Variants in CRB2 observed in about 807,000 individuals in gnomAD.
The protein encoded by CRB2 is crumbs cell polarity complex component 2, also known as protein crumbs homolog 2.
In CRB2, 85 loss-of-function variants were observed where a neutral mutation model predicts 110.9. The ratio of observed to expected loss-of-function variants is 0.77; its 90% CI spans 0.64 to 0.92. The LOEUF (loss-of-function observed/expected upper bound fraction) is 0.92. Among genes scored for constraint, CRB2 ranks in the 40% least tolerant of loss-of-function variants. The pLI is 0.00. For missense variants in CRB2, 1,843 were observed against 1,851.3 expected, an observed-to-expected ratio of 1.00 and a Z score of 0.08; for synonymous variants, 907 against 831.0, an observed-to-expected ratio of 1.09 and a Z score of -1.57.
chr9:123,359,441 G>GTTTTTTTTTTTTTTTTTTTTTTTTT (rs375773781), intron 1 of CRB2, among the ~76,000 whole-genome samples: 5 of 94,424 alleles, frequency 5.3e-5, no homozygotes, highest in Admixed American at 1.1e-4. Context: ...TTTTTGTTTT[G>GTTTTTTTTTTTTTTTTTTTTTTTTT]TTTTTTTTTT....
downstream of CRB2, among the ~76,000 whole-genome samples, chr9:123,378,984 T>G (rs1391312417): frequency 6.6e-6 from 1 of 151,722 alleles, no homozygotes; most frequent in East Asian, 1.9e-4. Flanking sequence ...AGACGGGGCT[T>G]CACCATCTTG....
upstream of CRB2, among the ~76,000 whole-genome samples, chr9:123,355,165 G>T (rs1450817361): frequency 6.6e-6 from 1 of 152,216 alleles, no homozygotes; most frequent in East Asian, 1.9e-4. Context: ...GTTGTTCTAT[G>T]TTGTAGTGTC....
At chr9:123,375,490 C>CCACACCCCCCA in intron 12 of CRB2, 147 bp downstream of exon 12, 1 of 879,298 alleles carries the variant, frequency 1.1e-6, no homozygotes, top group Non-Finnish European at 1.6e-6. Context: ...CAGGTCCCTT[C>CCACACCCCCCA]CACACCCCCC....
At position 123,371,511 on chromosome 9, in the gene CRB2, C is replaced by G. The variant is rs2042015849; in HGVS notation, c.2369C>G (p.Pro790Arg). ...CTGCCACTGGATAACTCAAGCCAGCCCAGCGAGCTCGGCGGCAGGCAGTCC... is the reference window on the plus strand; with the variant it reads ...CTGCCACTGGATAACTCAAGCCAGCGCAGCGAGCTCGGCGGCAGGCAGTCC... The part of the protein sequence containing the change: ...FPLPLDNSSQ[P>R]SELGGRQSWN... The change falls in exon 8 of 13, where the codon CCC becomes CGC. Residue 790 changes from proline to arginine, a missense_variant. By Grantham distance (103) the Pro-to-Arg change is moderately radical. Coordinates refer to ENST00000373631, the MANE Select transcript of CRB2 (RefSeq NM_173689.7). 6.2e-7 allele frequency: 1 copy of G among 1,613,098 alleles called. No individual in the cohort carries two copies.
In CRB2 at chr9:123,370,669, G is replaced by T; in HGVS notation, c.1616G>T (p.Gly539Val). 6.2e-7 allele frequency: 1 copy of T among 1,607,002 alleles called. No homozygotes were observed. ...ATLELRLWHE[G>V]CPARLCVASG... The stretch of plus-strand genomic sequence containing the variant: ...CTGGAGCTACGGCTCTGGCATGAGG[G>T]CTGCCCTGCCCGGCTCTGTGTGGCC... The change falls in exon 7 of 13, where the codon GGC (glycine) becomes GTC (valine). Residue 539 changes from glycine (G) to valine (V), a missense_variant. Physicochemically the swap from Gly to Val is moderately radical, Grantham distance 109. Coordinates refer to ENST00000373631, the MANE Select transcript of CRB2 (RefSeq NM_173689.7).
At chr9:123,380,013 C>T (rs1258246211), downstream of CRB2, 1 of 152,256 alleles carries the variant, frequency 6.6e-6, no homozygotes, top group Non-Finnish European at 1.5e-5. Context: ...AGCCATGTGC[C>T]AGGATGGCCG....
Position 123,373,570 on chromosome 9 carries a change from C to T in CRB2, c.3039C>T (p.Cys1013=). 6.8e-7 allele frequency: 1 copy of T among 1,464,350 alleles called. No individual in the cohort carries two copies. The highest frequency in any genetic ancestry group is 1.5e-5 in the African/African-American group (1 of 68,756). 90.7% of individuals were successfully genotyped at this position (1,464,350 alleles called of 1,614,324 possible). Residue 1013 remains cysteine, a synonymous_variant, in exon 10 of 13, where the codon TGC becomes TGT. Transcript: ENST00000373631. ...TGCTGGCTGAGAACTTCACCGGCTG[C>T]TTGGGCCGCGTGGCGCTGGGCGGCC... ...RILLAENFTG[C]LGRVALGGLP...
chr9:123,366,399 G>T, intron 4 of CRB2, 33 bp downstream of exon 4: 5 of 1,526,100 alleles, frequency 3.3e-6, no homozygotes, highest in South Asian at 1.2e-5. Context: ...CCTGGCGGGG[G>T]GAGGGGTAGG....
In CRB2 at chr9:123,361,132, C is replaced by CGGG. The variant is rs201939429; in HGVS notation, c.95-1731_95-1729dup. 7.0e-3 allele frequency among the ~76,000 whole-genome samples: 456 copies of CGGG among 65,184 alleles called. 10 individuals are homozygous for CGGG. The highest frequency in any genetic ancestry group is 0.014 in the Middle Eastern group (2 of 138). 42.8% of individuals were successfully genotyped at this position (65,184 alleles called of 152,430 possible). A position where few individuals can be genotyped will look rare whatever the true frequency, so the allele number is the denominator to read the frequency against. On this transcript the variant is annotated intron_variant, in intron 1 of 12. Transcript: ENST00000373631. ...GGGGCAAAGCTTCAGATTGGATGGGCGGGGAGGGGGGGGGGTTCCTTGCAC... is the reference window on the plus strand; with the variant it reads ...GGGGCAAAGCTTCAGATTGGATGGGCGGGGGGGAGGGGGGGGGGTTCCTTGCAC...
At chr9:123,372,387 C>T (rs199978167) in intron 9 of CRB2, 45 bp downstream of exon 9, 1 of 1,550,730 alleles carries the variant, frequency 6.4e-7, no homozygotes, top group African/African-American at 1.4e-5. Context: ...TGCTGGACAC[C>T]TAAGCTGGTT....
chr9:123,379,064 T>C (rs2042158430), downstream of CRB2, among the ~76,000 whole-genome samples: 1 of 151,654 alleles, frequency 6.6e-6, no homozygotes, highest in South Asian at 2.1e-4. Context: ...ATGTTGGGAT[T>C]ATAGGTGTGG....
At chr9:123,376,146 G>A (rs2042100568) in intron 12 of CRB2, among the ~76,000 whole-genome samples, 1 of 152,298 alleles carries the variant, frequency 6.6e-6, no homozygotes, top group Middle Eastern at 3.4e-3. Context: ...GGTGGAGGCT[G>A]GCAGGACCCT....
intron 1 of CRB2, among the ~76,000 whole-genome samples, chr9:123,359,706 T>G (rs1025742732): frequency 2.6e-5 from 4 of 152,142 alleles, no homozygotes; most frequent in Admixed American, 1.3e-4. Context: ...CACCTCAGCT[T>G]CCCAAAGTGC....
chr9:123,371,449 C>T lies in CRB2; in HGVS notation c.2307C>T (p.Asp769=). The T allele has an allele frequency of 6.2e-7, 1 of 1,613,050 alleles. No individual in the cohort carries two copies. The highest frequency in any genetic ancestry group is 8.5e-7 in the Non-Finnish European group (1 of 1,180,008). ...GGCCCTTCCGAGGCTGCCTCCAGGA[C>T]CTGCGACTCGATGGCTGCCACCTCC... ...WGGPFRGCLQ[D]LRLDGCHLPF... Residue 769 remains aspartate, a synonymous_variant, in exon 8 of 13, where the codon GAC becomes GAT. Coordinates refer to ENST00000373631, the MANE Select transcript of CRB2 (RefSeq NM_173689.7).
At chr9:123,368,882 G>A (rs10760282) in intron 6 of CRB2, 478,806 of 1,269,608 alleles carry the variant, frequency 0.38, 94,581 homozygotes, top group Non-Finnish European at 0.41. Context: ...CAACCTGTCT[G>A]GAGGGCATGG....
rs1286496637 is a variant in CRB2, at chr9:123,360,273, G to GGTCGAAGGGGAGGGGCGGGC, written c.95-2587_95-2568dup. ...TGCCCCTCCCCAGGACAGGGCAGCAGGTCGAAGGGGAGGGGCGGGCGTCGG... is the reference window on the plus strand; with the variant it reads ...TGCCCCTCCCCAGGACAGGGCAGCAGGTCGAAGGGGAGGGGCGGGCGTCGAAGGGGAGGGGCGGGCGTCGG... On this transcript the variant is annotated intron_variant, in intron 1 of 12. Transcript: ENST00000373631. Among the ~76,000 whole-genome samples the GGTCGAAGGGGAGGGGCGGGC allele has an allele frequency of 5.9e-5, 9 of 152,282 alleles. 1 individual carries two copies. The highest frequency in any genetic ancestry group is 3.3e-4 in the Admixed American group (5 of 15,312).
rs1447453412 is a variant in CRB2, at chr9:123,377,991, C to T, written c.*929C>T. 3 of 152,376 alleles carry T rather than the reference C, an allele frequency of 2.0e-5. No homozygotes were observed. Among genetic ancestry groups the T allele is most frequent in the Non-Finnish European group, 2.9e-5 (2 of 68,140 alleles). 9.4% of individuals were successfully genotyped at this position (152,376 alleles called of 1,614,324 possible). A position where few individuals can be genotyped will look rare whatever the true frequency, so the allele number is the denominator to read the frequency against. ...GGGTGTCCTTCTGGGATGAGGATGA[C>T]AGAGCAACCCTTCTCCTGCCCTGAA... On this transcript the variant is annotated 3_prime_UTR_variant, in exon 13 of 13. Transcript: ENST00000373631.
intron 2 of CRB2, among the ~76,000 whole-genome samples, chr9:123,364,880 C>T (rs1052952329): frequency 6.6e-6 from 1 of 152,188 alleles, no homozygotes; most frequent in East Asian, 1.9e-4. Context: ...AAAACCAGGA[C>T]AGTGCAGGGA....
Position 123,362,935 on chromosome 9 carries a change from T to C in CRB2, c.165T>C (p.Ala55=), listed in dbSNP as rs1449100194. 5 of 1,604,502 alleles carry C rather than the reference T, an allele frequency of 3.1e-6. No individual in the cohort carries two copies. The highest frequency in any genetic ancestry group is 4.3e-6 in the Non-Finnish European group (5 of 1,172,680). Reference sequence around the variant, plus strand: ...GCGCTCCAGGGACCGAGTGCCAGGCTACCGAGAGTGGTGGCTATACCTGTG... The same window carrying C: ...GCGCTCCAGGGACCGAGTGCCAGGCCACCGAGAGTGGTGGCTATACCTGTG... ...DPCAPGTECQ[A]TESGGYTCGP... The change falls in exon 2 of 13, where the codon GCT becomes GCC. Residue 55 remains alanine (A), a synonymous_variant. Transcript: ENST00000373631.
Sources: gnomAD v4.1 joint callset for allele counts (sites outside exome capture counted in the v4.1 genomes callset) on GRCh38, gnomAD v4.1.1 for gene constraint, MANE v1.5 for transcripts, NCBI Gene and HGNC (gene_info 2026-07-23, HGNC 2026-07-21) for gene names.